SLC25A21: variants seen among roughly 807,000 people sequenced by gnomAD.
SLC25A21 encodes the protein solute carrier family 25 member 21, also known as mitochondrial 2-oxodicarboxylate carrier.
In SLC25A21, 47 loss-of-function variants were observed where a neutral mutation model predicts 43.8. That is an observed-to-expected ratio of 1.07 (90% confidence interval 0.85 to 1.37). SLC25A21 has a LOEUF of 1.37. Ranked by LOEUF, SLC25A21 falls within the 40% of genes most tolerant of loss-of-function variation. SLC25A21 has a pLI of 0.00. For synonymous variants in SLC25A21, 131 were observed against 121.3 expected (o/e 1.08, Z -0.52); for missense variants, 352 against 350.2 (o/e 1.00, Z -0.04).
chr14:36,762,890 A>G (rs562433096), intron 3 of SLC25A21, among the ~76,000 whole-genome samples: 1 of 152,324 alleles, frequency 6.6e-6, no homozygotes, highest in Admixed American at 6.5e-5. Flanking sequence ...AGAATACGTC[A>G]TTATCTTGAA....
At chr14:37,009,257 G>T (rs577883151) in intron 1 of SLC25A21, among the ~76,000 whole-genome samples, 44 of 152,318 alleles carry the variant, frequency 2.9e-4, no homozygotes, top group African/African-American at 8.7e-4. Flanking sequence ...GGAGGCTGAG[G>T]TGGGTGAATC....
chr14:37,118,152 A>G (rs1963140059), intron 1 of SLC25A21, among the ~76,000 whole-genome samples: 1 of 152,134 alleles, frequency 6.6e-6, no homozygotes, highest in African/African-American at 2.4e-5. Flanking sequence ...CAGAGGTCAC[A>G]ATATTTGCAG....
intron 1 of SLC25A21, among the ~76,000 whole-genome samples, chr14:37,053,229 G>A (rs1051145881): frequency 3.9e-5 from 6 of 152,122 alleles, no homozygotes; most frequent in African/African-American, 1.4e-4. Context: ...GAGAACCAAG[G>A]ATTTTGTATA....
At chr14:36,825,497 C>T (rs895431312) in intron 2 of SLC25A21, among the ~76,000 whole-genome samples, 9 of 152,174 alleles carry the variant, frequency 5.9e-5, no homozygotes, top group African/African-American at 1.9e-4. Context: ...GAAAACTATG[C>T]TTCACTAATT....
At chr14:36,753,780 C>G (rs933842296) in intron 3 of SLC25A21, among the ~76,000 whole-genome samples, 1 of 152,090 alleles carries the variant, frequency 6.6e-6, no homozygotes, top group African/African-American at 2.4e-5. Flanking sequence ...CTCTTTAGTC[C>G]TCTCCTCTGA....
intron 2 of SLC25A21, among the ~76,000 whole-genome samples, chr14:36,841,005 CTAAA>C (rs1436647373): frequency 1.3e-5 from 2 of 152,166 alleles, no homozygotes; most frequent in African/African-American, 4.8e-5. Flanking sequence ...AAATCAGGCA[CTAAA>C]TAAATGTTAA....
rs1210761696 is a variant in SLC25A21, at chr14:36,678,913, G to A, written c.*1745C>T. 8 of 978,064 alleles carry A rather than the reference G, an allele frequency of 8.2e-6. No homozygotes were observed. The highest frequency in any genetic ancestry group is 6.1e-5 in the Admixed American group (1 of 16,408). The allele number at this position is 978,064 out of a possible 1,614,324, so 60.6% of individuals were successfully genotyped here. On this transcript the variant is annotated 3_prime_UTR_variant, in exon 10 of 10. Transcript: ENST00000331299. ...GATTTAAAGCCACTTTTTAAAATAC[G>A]AGAAGGAAAATAGGATGGATTAAAG...
At chr14:36,861,251 T>C (rs116278623) in intron 2 of SLC25A21, among the ~76,000 whole-genome samples, 77 of 152,346 alleles carry the variant, frequency 5.1e-4, no homozygotes, top group African/African-American at 1.8e-3. Context: ...GCCTCAAATT[T>C]GTTTGTCTAA....
At chr14:36,749,768 A>G (rs1002548402) in intron 3 of SLC25A21, among the ~76,000 whole-genome samples, 3 of 152,170 alleles carry the variant, frequency 2.0e-5, no homozygotes, top group African/African-American at 7.2e-5. Context: ...CGCAGGGCTC[A>G]CTGTTCACCT....
intron 7 of SLC25A21, among the ~76,000 whole-genome samples, chr14:36,701,044 T>C (rs370029066): frequency 1.3e-4 from 20 of 152,172 alleles, no homozygotes; most frequent in African/African-American, 4.3e-4. Flanking sequence ...TTCTAATAGG[T>C]CCAAGTCAGC....
chr14:37,172,454 G>T lies in SLC25A21; in HGVS notation c.-104C>A. 8.3e-7 allele frequency: 1 copy of T among 1,200,396 alleles called. No homozygotes were observed. The allele number at this position is 1,200,396 out of a possible 1,614,324, so 74.4% of individuals were successfully genotyped here. ...GAGCCCCGGCTGGGCTGGTCCTCAAGCGCGTTGGCTCCCTGTGGAGCAGCA... is the reference window on the plus strand; with the variant it reads ...GAGCCCCGGCTGGGCTGGTCCTCAATCGCGTTGGCTCCCTGTGGAGCAGCA... On this transcript the variant is annotated 5_prime_UTR_variant, in exon 1 of 10. Transcript: ENST00000331299.
intron 1 of SLC25A21, among the ~76,000 whole-genome samples, chr14:37,011,999 A>T (rs1218247291): frequency 2.6e-5 from 4 of 152,164 alleles, no homozygotes; most frequent in Non-Finnish European, 5.9e-5. Context: ...AAGAGTTACA[A>T]TATATTGATG....
chr14:36,703,146 G>C (rs1038129569), intron 7 of SLC25A21, among the ~76,000 whole-genome samples: 1 of 152,294 alleles, frequency 6.6e-6, no homozygotes, highest in Admixed American at 6.5e-5. Context: ...GAGTAAGAGA[G>C]AATCAGAAAA....
At chr14:37,095,837 CACACACAA>C (rs796678516) in intron 1 of SLC25A21, among the ~76,000 whole-genome samples, 8,177 of 64,066 alleles carry the variant, frequency 0.13, 728 homozygotes, top group African/African-American at 0.24. Context: ...CACACACACA[CACACACAA>C]AAAACACCTT....
intron 2 of SLC25A21, among the ~76,000 whole-genome samples, chr14:36,841,657 A>T (rs2138499582): frequency 6.6e-6 from 1 of 152,300 alleles, no homozygotes; most frequent in Middle Eastern, 3.4e-3. Context: ...TGCTATCAAT[A>T]GTCTTCCTGG....
At chr14:36,915,009 TA>T (rs374827898) in intron 1 of SLC25A21, among the ~76,000 whole-genome samples, 9 of 148,188 alleles carry the variant, frequency 6.1e-5, no homozygotes, top group Admixed American at 1.4e-4. Context: ...TTAGTTTCCT[TA>T]AAAAAAAAAC....
intron 2 of SLC25A21, among the ~76,000 whole-genome samples, chr14:36,855,429 G>T (rs1273108616): frequency 6.6e-6 from 1 of 152,172 alleles, no homozygotes; most frequent in Non-Finnish European, 1.5e-5. Context: ...GATAGACACA[G>T]ATGCAGAAAA....
chr14:36,761,053 T>A (rs1886136920), intron 3 of SLC25A21, among the ~76,000 whole-genome samples: 2 of 152,190 alleles, frequency 1.3e-5, no homozygotes, highest in Non-Finnish European at 1.5e-5. Flanking sequence ...CTTAAAAGCA[T>A]CTCTTTAATT....
intron 1 of SLC25A21, among the ~76,000 whole-genome samples, chr14:37,141,308 G>T (rs1230726672): frequency 6.6e-6 from 1 of 152,064 alleles, no homozygotes; most frequent in East Asian, 1.9e-4. Context: ...ACTAGCTAAA[G>T]ATGCTAATTC....
Sources: allele counts gnomAD v4.1 joint callset (sites outside exome capture counted in the v4.1 genomes callset), GRCh38; gene constraint gnomAD v4.1.1; transcripts MANE v1.5; gene names NCBI Gene and HGNC (gene_info 2026-07-23, HGNC 2026-07-21).